IL1RAPL1: variants seen among roughly 807,000 people sequenced by gnomAD.
The protein encoded by IL1RAPL1 is interleukin-1 receptor accessory protein-like 1.
In IL1RAPL1, 3 loss-of-function variants were observed where a neutral mutation model predicts 48.4. The observed-to-expected ratio is 0.06, with a 90% CI of 0.03 to 0.16. IL1RAPL1 has a LOEUF of 0.16. Ranked by LOEUF, IL1RAPL1 falls within the 10% of genes least tolerant of loss-of-function variation. IL1RAPL1 has a pLI of 1.00. For synonymous variants in IL1RAPL1, 185 were observed against 187.7 expected, an observed-to-expected ratio of 0.99 and a Z score of 0.12; for missense variants, 349 against 530.6, an observed-to-expected ratio of 0.66 and a Z score of 3.36.
chrX:28,719,620 C>T (rs1177270108), intron 1 of IL1RAPL1, among the ~76,000 whole-genome samples: 4 of 110,381 alleles, frequency 3.6e-5, no homozygotes, highest in Non-Finnish European at 7.6e-5. Context: ...ATGTATACAG[C>T]CCATTTATAC....
chrX:29,615,910 C>T (rs184849260), intron 5 of IL1RAPL1, among the ~76,000 whole-genome samples: 1 of 111,518 alleles, frequency 9.0e-6, no homozygotes, highest in Non-Finnish European at 1.9e-5. Flanking sequence ...GGATTCTTAT[C>T]TGTAAAATGT....
At chrX:29,434,682 G>A (rs1934461553) in intron 5 of IL1RAPL1, among the ~76,000 whole-genome samples, 1 of 110,805 alleles carries the variant, frequency 9.0e-6, no homozygotes, top group African/African-American at 3.3e-5. Context: ...TAGATTTGGG[G>A]ACTTTTTGTT....
chrX:29,860,382 T>C (rs2147203293), intron 6 of IL1RAPL1, among the ~76,000 whole-genome samples: 1 of 111,905 alleles, frequency 8.9e-6, no homozygotes, highest in South Asian at 3.8e-4. Context: ...TTATTATACT[T>C]GAAGTTCTGG....
intron 2 of IL1RAPL1, among the ~76,000 whole-genome samples, chrX:29,236,332 T>C (rs1423651506): frequency 9.0e-6 from 1 of 110,849 alleles, no homozygotes; most frequent in Non-Finnish European, 1.9e-5. Flanking sequence ...TTACGTTGGA[T>C]TGGGGGACTG....
chrX:29,580,603 G>A (rs896287401), intron 5 of IL1RAPL1, among the ~76,000 whole-genome samples: 1 of 111,630 alleles, frequency 9.0e-6, no homozygotes, highest in Non-Finnish European at 1.9e-5. Context: ...TCTGGGGGTT[G>A]GCTATCTGTA....
At chrX:29,403,980 C>T (rs1934025079) in intron 5 of IL1RAPL1, among the ~76,000 whole-genome samples, 1 of 112,302 alleles carries the variant, frequency 8.9e-6, no homozygotes, top group South Asian at 3.6e-4. Context: ...CCCTCACCTG[C>T]TTCAGTGAGG....
At chrX:28,730,551 AC>A (rs1473842092) in intron 1 of IL1RAPL1, among the ~76,000 whole-genome samples, 1 of 111,798 alleles carries the variant, frequency 8.9e-6, no homozygotes, top group African/African-American at 3.2e-5. Context: ...CAATAAAAAA[AC>A]TAATAATATT....
intron 5 of IL1RAPL1, among the ~76,000 whole-genome samples, chrX:29,583,887 T>G (rs984245046): frequency 8.9e-6 from 1 of 111,734 alleles, no homozygotes; most frequent in Non-Finnish European, 1.9e-5. Context: ...GGGAAAGGAT[T>G]GCAGGCACTC....
intron 2 of IL1RAPL1, among the ~76,000 whole-genome samples, chrX:29,147,211 C>T (rs144020315): frequency 0.013 from 1,475 of 111,772 alleles, 31 homozygotes; most frequent in African/African-American, 0.045. Flanking sequence ...TGAATCAGTC[C>T]ACAGCCCAAG....
At chrX:29,357,789 G>GA (rs1190118538) in intron 3 of IL1RAPL1, among the ~76,000 whole-genome samples, 1 of 112,190 alleles carries the variant, frequency 8.9e-6, no homozygotes, top group Non-Finnish European at 1.9e-5. Flanking sequence ...TAACACATTT[G>GA]TTTAATCAAA....
intron 2 of IL1RAPL1, among the ~76,000 whole-genome samples, chrX:29,008,624 A>G (rs761690478): frequency 2.8e-4 from 31 of 112,329 alleles, no homozygotes; most frequent in Non-Finnish European, 5.3e-4. Flanking sequence ...GTTTTTTAAA[A>G]TGTCAATTTT....
rs139674271 is a variant in IL1RAPL1 at position 28,756,564 on chromosome X, A to G, written c.-24-32756A>G. On this transcript the variant is annotated intron_variant, in intron 1 of 10. Transcript: ENST00000378993. Reference sequence around the variant, plus strand: ...GTTAAAAATTGCTTTTTGCAGCTCAATTCTCCAAATGTCCCAACCTCTACT... The same window carrying G: ...GTTAAAAATTGCTTTTTGCAGCTCAGTTCTCCAAATGTCCCAACCTCTACT... Among the ~76,000 whole-genome samples, 226 of 112,057 alleles carry G rather than the reference A, an allele frequency of 2.0e-3. 1 individual carries two copies. Among genetic ancestry groups the G allele is most frequent in the African/African-American group, 6.5e-3 (202 of 30,898 alleles).
chrX:28,766,503 A>G lies in IL1RAPL1; in HGVS notation c.-24-22817A>G, dbSNP rs193211608. Among the ~76,000 whole-genome samples the G allele has an allele frequency of 3.6e-3, 398 of 111,623 alleles. 2 individuals are homozygous for G. The highest frequency in any genetic ancestry group is 5.9e-3 in the Non-Finnish European group (312 of 53,040). ...ATAATCAAATCATGGAGAATAGGGT[A>G]TCCGTCCCCTCAAGCATTTATTTTT... On this transcript the variant is annotated intron_variant, in intron 1 of 10. Transcript: ENST00000378993.
intron 2 of IL1RAPL1, among the ~76,000 whole-genome samples, chrX:29,018,090 A>T (rs186023622): frequency 8.9e-6 from 1 of 111,947 alleles, no homozygotes; most frequent in South Asian, 3.7e-4. Context: ...TCCATATCCA[A>T]TTCATGATTA....
At position 29,794,754 on chromosome X, in the gene IL1RAPL1, A is replaced by C. The variant is rs752696874; in HGVS notation, c.779-122710A>C. The stretch of plus-strand genomic sequence containing the variant: ...TAGACCAAAGGGAGTTTAGACCTAG[A>C]CCTAGTGTACTTACCTGATGGTATT... On this transcript the variant is annotated intron_variant, in intron 6 of 10. Coordinates refer to ENST00000378993, the MANE Select transcript of IL1RAPL1 (RefSeq NM_014271.4). Among the ~76,000 whole-genome samples, 5 of 111,886 alleles carry C rather than the reference A, an allele frequency of 4.5e-5. No homozygotes were observed. The East Asian group carries it at 8.4e-4, about 19-fold the overall frequency.
intron 5 of IL1RAPL1, among the ~76,000 whole-genome samples, chrX:29,410,517 T>A (rs2147697564): frequency 9.0e-6 from 1 of 111,227 alleles, no homozygotes; most frequent in Non-Finnish European, 1.9e-5. Flanking sequence ...CTAGGTTTCA[T>A]AAATTGCACT....
intron 5 of IL1RAPL1, among the ~76,000 whole-genome samples, chrX:29,445,024 C>T (rs1934596689): frequency 8.9e-6 from 1 of 112,390 alleles, no homozygotes; most frequent in Admixed American, 9.4e-5. Flanking sequence ...TCACGTTAGC[C>T]CTGTGGGCTG....
intron 3 of IL1RAPL1, among the ~76,000 whole-genome samples, chrX:29,367,546 A>ATT (rs1286003639): frequency 1.1e-5 from 1 of 94,038 alleles, no homozygotes; most frequent in African/African-American, 3.9e-5. Flanking sequence ...AAGGGCTTCT[A>ATT]TTTATTTTTA....
At chrX:29,722,729 C>T (rs2037809173) in intron 6 of IL1RAPL1, among the ~76,000 whole-genome samples, 1 of 111,612 alleles carries the variant, frequency 9.0e-6, no homozygotes, top group Non-Finnish European at 1.9e-5. Context: ...TCTTGACGAT[C>T]CTTGCACATT....
Sources: gnomAD v4.1 joint callset for allele counts (sites outside exome capture counted in the v4.1 genomes callset) on GRCh38, gnomAD v4.1.1 for gene constraint, MANE v1.5 for transcripts, NCBI Gene and HGNC (gene_info 2026-07-23, HGNC 2026-07-21) for gene names.